The following KANSL3 variants were observed in gnomAD, a reference collection of about 807,000 sequenced individuals.
The protein encoded by KANSL3 is NSL complex protein NSL3.
A neutral mutation model predicts 89.2 loss-of-function variants in KANSL3; 16 were observed. The ratio of observed to expected loss-of-function variants is 0.18; its 90% CI spans 0.12 to 0.27. The LOEUF (loss-of-function observed/expected upper bound fraction) is 0.27, where lower values mean the gene tolerates loss of function less well. Among genes scored for constraint, KANSL3 ranks in the 10% least tolerant of loss-of-function variants. The pLI is 1.00. For missense variants in KANSL3, 879 were observed against 1,110.6 expected, an observed-to-expected ratio of 0.79 and a Z score of 2.96; for synonymous variants, 385 against 419.7, an observed-to-expected ratio of 0.92 and a Z score of 1.01.
Position 96,608,967 on chromosome 2 carries a change from G to T in KANSL3, c.1481C>A (p.Pro494His). The T allele has an allele frequency of 6.4e-7, 1 of 1,562,818 alleles. No individual in the cohort carries two copies. The change falls in exon 13 of 21, where the codon CCC becomes CAC. Residue 494 changes from proline (P) to histidine (H), a missense_variant. Pro to His is a moderately conservative substitution (Grantham distance 77). This residue lies in a region of KANSL3 where 317 missense variants were observed against 311.2 expected (regional missense o/e 1.02). Coordinates refer to ENST00000431828, the MANE Select transcript of KANSL3 (RefSeq NM_001115016.3). ...RDQDAEKKKKPRDVARRDLAF... is the reference protein window; with the variant it reads ...RDQDAEKKKKHRDVARRDLAF... ...CAAGTCTCTGCGGGCCACATCGCGG[G>T]GCTTCTTCTTCTTCTCAGCATCCTG...
intron 6 of KANSL3, among the ~76,000 whole-genome samples, chr2:96,613,284 T>C (rs570072138): frequency 3.0e-4 from 45 of 152,214 alleles, no homozygotes; most frequent in Non-Finnish European, 4.9e-4. Flanking sequence ...GGCAGGAGAA[T>C]TGCCTGAACC....
chr2:96,615,505 A>G (rs535197743), intron 5 of KANSL3: 1 of 1,287,642 alleles, frequency 7.8e-7, no homozygotes, highest in South Asian at 1.2e-5. Flanking sequence ...GAGAAGAAAT[A>G]TCTGCGAATT....
At chr2:96,582,227 G>A in the KANSL3 span, among the ~76,000 whole-genome samples, 20 of 151,978 alleles carry the variant, frequency 1.3e-4, no homozygotes, top group Admixed American at 1.2e-3. Context: ...GTGAAACCCC[G>A]TCTCCACTAA....
intron 3 of KANSL3, among the ~76,000 whole-genome samples, chr2:96,620,432 A>C (rs1306582537): frequency 6.6e-6 from 1 of 152,174 alleles, no homozygotes; most frequent in African/African-American, 2.4e-5. Flanking sequence ...AGCATACGGC[A>C]CTGGTATTCA....
chr2:96,614,183 C>A (rs551754623), intron 5 of KANSL3, among the ~76,000 whole-genome samples: 1 of 152,174 alleles, frequency 6.6e-6, no homozygotes, highest in South Asian at 2.1e-4. Flanking sequence ...CCTCTGCCTC[C>A]CGGGTTCAAG....
At chr2:96,613,852 G>T (rs1039185957) in intron 5 of KANSL3, among the ~76,000 whole-genome samples, 1 of 152,012 alleles carries the variant, frequency 6.6e-6, no homozygotes, top group Non-Finnish European at 1.5e-5. Context: ...TATGCAGCAA[G>T]GGACTTAAAT....
intron 5 of KANSL3, among the ~76,000 whole-genome samples, chr2:96,617,262 C>T (rs1351252462): frequency 3.3e-5 from 5 of 152,078 alleles, no homozygotes; most frequent in Admixed American, 6.5e-5. Context: ...AGAGAAGGGA[C>T]CAGTTTTGTT....
intron 12 of KANSL3, 101 bp downstream of exon 12, chr2:96,609,398 G>A (rs998278820): frequency 1.6e-5 from 16 of 979,578 alleles, no homozygotes; most frequent in Non-Finnish European, 2.6e-5. Flanking sequence ...AGGCCCCAGT[G>A]GAGGCCTTAG....
At chr2:96,637,911 TCCA>T (rs1462165809) in intron 1 of KANSL3, 1 of 152,296 alleles carries the variant, frequency 6.6e-6, no homozygotes, top group Non-Finnish European at 1.5e-5. Flanking sequence ...CCACTGAGCC[TCCA>T]CACGGCCCAT....
intron 20 of KANSL3, among the ~76,000 whole-genome samples, chr2:96,598,876 C>T (rs953221915): frequency 8.0e-6 from 1 of 125,396 alleles, no homozygotes; most frequent in African/African-American, 3.1e-5. Flanking sequence ...TGCCACTGCA[C>T]TCCAGCCTGG....
chr2:96,624,827 C>G (rs953890636), intron 3 of KANSL3, among the ~76,000 whole-genome samples: 1 of 152,110 alleles, frequency 6.6e-6, no homozygotes, highest in Non-Finnish European at 1.5e-5. Flanking sequence ...CCAGCCCTAT[C>G]TATCTATATT....
intron 3 of KANSL3, among the ~76,000 whole-genome samples, chr2:96,620,331 A>G (rs1328662071): frequency 1.3e-5 from 2 of 152,104 alleles, no homozygotes; most frequent in African/African-American, 4.8e-5. Flanking sequence ...TCTTTTCCAT[A>G]TATATTTTTT....
intron 20 of KANSL3, among the ~76,000 whole-genome samples, chr2:96,596,263 G>A (rs1047682111): frequency 5.3e-5 from 8 of 152,232 alleles, no homozygotes; most frequent in Non-Finnish European, 8.8e-5. Context: ...TGAGAATGTA[G>A]TAAAGGAGGG....
At chr2:96,623,917 T>A (rs541301707) in intron 3 of KANSL3, among the ~76,000 whole-genome samples, 2 of 152,358 alleles carry the variant, frequency 1.3e-5, no homozygotes, top group East Asian at 3.9e-4. Flanking sequence ...TAGAGCTAAA[T>A]CCCCTCTTAA....
At position 96,604,883 on chromosome 2, in the gene KANSL3, A is replaced by G; in HGVS notation, c.1934-20T>C. On this transcript the variant is annotated intron_variant, in intron 15 of 20. Coordinates refer to ENST00000431828, the MANE Select transcript of KANSL3 (RefSeq NM_001115016.3). ...CTGCAGCTTCAAAACAGAAAACCCC[A>G]AGGCCCCTGGTCAGTCCTATTTGGC... is the stretch of plus-strand genomic sequence containing the variant. 6.4e-7 allele frequency: 1 copy of G among 1,573,914 alleles called. No homozygotes were observed. The highest frequency in any genetic ancestry group is 8.6e-7 in the Non-Finnish European group (1 of 1,158,536).
rs1284972300 is a variant in KANSL3, at chr2:96,594,643, G to C, written c.*968C>G. 1.3e-5 allele frequency: 2 copies of C among 152,254 alleles called. No individual in the cohort carries two copies. Among genetic ancestry groups the C allele is most frequent in the Non-Finnish European group, 2.9e-5 (2 of 68,076 alleles). 9.4% of individuals were successfully genotyped at this position (152,254 alleles called of 1,614,324 possible). ...TTATTGTCCCTGCTTCACCTCCAGA[G>C]ACTGGAGACAGAGGATTTTCCGGGG... On this transcript the variant is annotated 3_prime_UTR_variant, in exon 21 of 21. Coordinates refer to ENST00000431828, the MANE Select transcript of KANSL3 (RefSeq NM_001115016.3).
chr2:96,629,196 G>A (rs779129539), intron 3 of KANSL3, among the ~76,000 whole-genome samples: 1 of 152,114 alleles, frequency 6.6e-6, no homozygotes, highest in African/African-American at 2.4e-5. Context: ...TACCATCGTC[G>A]TTATTTTTTA....
At chr2:96,620,554 T>A (rs2071066337) in intron 3 of KANSL3, among the ~76,000 whole-genome samples, 1 of 152,188 alleles carries the variant, frequency 6.6e-6, no homozygotes, top group Non-Finnish European at 1.5e-5. Flanking sequence ...TTTAGTGATA[T>A]GGAGCTTATT....
chr2:96,627,387 C>CT (rs576823305), intron 3 of KANSL3, among the ~76,000 whole-genome samples: 15 of 151,964 alleles, frequency 9.9e-5, no homozygotes, highest in Non-Finnish European at 2.1e-4. Context: ...CTAATTTTTA[C>CT]TATTTTTAGT....
Sources: allele counts gnomAD v4.1 joint callset (sites outside exome capture counted in the v4.1 genomes callset), GRCh38; gene constraint gnomAD v4.1.1; regional missense constraint gnomAD v4.1.1; transcripts MANE v1.5; gene names NCBI Gene and HGNC (gene_info 2026-07-23, HGNC 2026-07-21).